Variants in TAFA1 observed in about 807,000 individuals in gnomAD.
The protein encoded by TAFA1 is chemokine-like protein TAFA-1.
TAFA1 carries 4 observed loss-of-function variants against 18.5 expected under a neutral mutation model. That is an observed-to-expected ratio of 0.22 (90% CI 0.11 to 0.49). The LOEUF (loss-of-function observed/expected upper bound fraction) is 0.49. Among genes scored for constraint, TAFA1 ranks in the 20% least tolerant of loss-of-function variants. The pLI is 0.98. For synonymous variants in TAFA1, 56 were observed against 55.2 expected, an observed-to-expected ratio of 1.01 and a Z score of -0.06; for missense variants, 147 against 169.0, an observed-to-expected ratio of 0.87 and a Z score of 0.72.
chr3:68,161,778 T>C (rs1314849255), intron 2 of TAFA1, among the ~76,000 whole-genome samples: 1 of 152,206 alleles, frequency 6.6e-6, no homozygotes, highest in African/African-American at 2.4e-5. Flanking sequence ...TGTTTACTTA[T>C]ATTTAGTCTT....
At chr3:68,503,876 A>C (rs1031099411) in intron 3 of TAFA1, among the ~76,000 whole-genome samples, 31 of 152,132 alleles carry the variant, frequency 2.0e-4, no homozygotes, top group Non-Finnish European at 3.8e-4. Context: ...TAAGAGAATG[A>C]TTAAGTAAAA....
chr3:68,450,059 A>G (rs1161877442), intron 3 of TAFA1, among the ~76,000 whole-genome samples: 2 of 152,162 alleles, frequency 1.3e-5, no homozygotes, highest in Non-Finnish European at 2.9e-5. Flanking sequence ...CAGTTAGATG[A>G]TTGCCATGAT....
intron 2 of TAFA1, among the ~76,000 whole-genome samples, chr3:68,146,677 T>G (rs896654038): frequency 6.6e-6 from 1 of 152,240 alleles, no homozygotes; most frequent in African/African-American, 2.4e-5. Context: ...GATTAGAATC[T>G]CATGGGTGGA....
intron 2 of TAFA1, among the ~76,000 whole-genome samples, chr3:68,308,738 T>C (rs2068465255): frequency 6.6e-6 from 1 of 152,164 alleles, no homozygotes; most frequent in African/African-American, 2.4e-5. Context: ...TGCTTATTAA[T>C]GACACAGAGA....
At chr3:68,126,177 T>C (rs1403819927) in intron 2 of TAFA1, among the ~76,000 whole-genome samples, 1 of 152,222 alleles carries the variant, frequency 6.6e-6, no homozygotes. Flanking sequence ...ATCAAACCGA[T>C]GTCTTTGTGC....
intron 3 of TAFA1, among the ~76,000 whole-genome samples, chr3:68,458,391 A>T (rs2071706299): frequency 6.6e-6 from 1 of 152,154 alleles, no homozygotes; most frequent in Admixed American, 6.5e-5. Context: ...ACTAACTAAC[A>T]TATCTGGTCT....
chr3:68,006,276 C>G (rs1355301989), intron 1 of TAFA1: 1 of 191,374 alleles, frequency 5.2e-6, no homozygotes, highest in Non-Finnish European at 1.1e-5. Flanking sequence ...TGCAGCTTTT[C>G]AGTGCCTGGG....
chr3:68,488,575 C>T (rs1313047740), intron 3 of TAFA1, among the ~76,000 whole-genome samples: 4 of 152,142 alleles, frequency 2.6e-5, no homozygotes, highest in Non-Finnish European at 4.4e-5. Context: ...GGGTTCAAGT[C>T]CAGGATCTGC....
chr3:68,304,360 T>C (rs1220212417), intron 2 of TAFA1, among the ~76,000 whole-genome samples: 1 of 152,218 alleles, frequency 6.6e-6, no homozygotes, highest in African/African-American at 2.4e-5. Context: ...GTTTTCTTTA[T>C]ATTTGAACCT....
rs1057270471 is a variant in TAFA1 at position 68,303,700 on chromosome 3, T to C, written c.119-113580T>C. Among the ~76,000 whole-genome samples, 13 of 152,026 alleles carry C rather than the reference T, an allele frequency of 8.6e-5. No homozygotes were observed. In the East Asian group the frequency reaches 2.1e-3, roughly 25 times the overall value. On this transcript the variant is annotated intron_variant, in intron 2 of 4. Transcript: ENST00000478136. ...TCCTGACCTCGTGATCCGCCCGCCT[T>C]TGCCTCCCAAAGTGCTGGGATTACA...
At chr3:68,057,860 G>C (rs1035780652) in intron 2 of TAFA1, among the ~76,000 whole-genome samples, 6 of 152,100 alleles carry the variant, frequency 3.9e-5, no homozygotes, top group African/African-American at 1.4e-4. Flanking sequence ...AAGTGATGTG[G>C]GTGGCTTCTA....
chr3:68,142,102 A>G (rs62245934), intron 2 of TAFA1, among the ~76,000 whole-genome samples: 13,117 of 152,242 alleles, frequency 0.086, 661 homozygotes, highest in South Asian at 0.19. Context: ...CCCACATGGC[A>G]TATTGGGGAA....
intron 2 of TAFA1, among the ~76,000 whole-genome samples, chr3:68,227,776 GGTGT>G (rs970315211): frequency 4.6e-5 from 7 of 152,132 alleles, no homozygotes; most frequent in African/African-American, 1.4e-4. Context: ...TCCCAAACAG[GGTGT>G]GAATTTATCA....
chr3:68,280,282 A>G (rs891731569), intron 2 of TAFA1, among the ~76,000 whole-genome samples: 1 of 152,140 alleles, frequency 6.6e-6, no homozygotes, highest in African/African-American at 2.4e-5. Flanking sequence ...ACTCTTTTCA[A>G]TGGTCAATAC....
chr3:68,100,500 G>T (rs2065135525), intron 2 of TAFA1, among the ~76,000 whole-genome samples: 1 of 152,028 alleles, frequency 6.6e-6, no homozygotes, highest in Non-Finnish European at 1.5e-5. Context: ...CACCAGATTG[G>T]TCTTTTGCTT....
At chr3:68,447,185 GT>G (rs1236175730) in intron 3 of TAFA1, among the ~76,000 whole-genome samples, 1 of 152,182 alleles carries the variant, frequency 6.6e-6, no homozygotes, top group African/African-American at 2.4e-5. Context: ...AGGCATTTAT[GT>G]TTATCAGCTC....
At chr3:68,535,902 G>C (rs2073272222) in intron 3 of TAFA1, among the ~76,000 whole-genome samples, 1 of 152,114 alleles carries the variant, frequency 6.6e-6, no homozygotes, top group Non-Finnish European at 1.5e-5. Context: ...TTAGTGATTG[G>C]CTATCCATTG....
In TAFA1 at chr3:68,329,216, C is replaced by CTTTT. The variant is rs10681423; in HGVS notation, c.119-88044_119-88041dup. Reference sequence around the variant, plus strand: ...GGTGTGCACAACCATGCCTGGCTGCCTTTTTTTTTTTTTTTTTTTTTTTGT... The same window carrying CTTTT: ...GGTGTGCACAACCATGCCTGGCTGCCTTTTTTTTTTTTTTTTTTTTTTTTTTTGT... On this transcript the variant is annotated intron_variant, in intron 2 of 4. Coordinates refer to ENST00000478136, the MANE Select transcript of TAFA1 (RefSeq NM_213609.4). Among the ~76,000 whole-genome samples the CTTTT allele has an allele frequency of 3.1e-3, 276 of 88,998 alleles. 6 individuals are homozygous for CTTTT. Among genetic ancestry groups the CTTTT allele is most frequent in the South Asian group, 9.0e-3 (14 of 1,556 alleles). 58.4% of individuals were successfully genotyped at this position (88,998 alleles called of 152,430 possible). A position where few individuals can be genotyped will look rare whatever the true frequency, so the allele number is the denominator to read the frequency against.
At chr3:68,480,280 G>A (rs938183250) in intron 3 of TAFA1, among the ~76,000 whole-genome samples, 1 of 151,678 alleles carries the variant, frequency 6.6e-6, no homozygotes, top group African/African-American at 2.4e-5. Context: ...GCACTCACCT[G>A]TAATCCCAGC....
Sources: gnomAD v4.1 joint callset for allele counts (sites outside exome capture counted in the v4.1 genomes callset) on GRCh38, gnomAD v4.1.1 for gene constraint, MANE v1.5 for transcripts, NCBI Gene and HGNC (gene_info 2026-07-23, HGNC 2026-07-21) for gene names.